Variants in CCDC148 observed in about 807,000 individuals in gnomAD.
CCDC148 encodes the protein coiled-coil domain containing 148.
A neutral mutation model predicts 85.7 loss-of-function variants in CCDC148; 89 were observed. That is an observed-to-expected ratio of 1.04 (90% CI 0.87 to 1.24). CCDC148 has a LOEUF of 1.24. CCDC148 is among the 50% of genes most tolerant of loss of function. CCDC148 has a pLI of 0.00. For missense variants in CCDC148, 692 were observed against 671.7 expected (o/e 1.03, Z -0.33); for synonymous variants, 230 against 213.9 (o/e 1.08, Z -0.66).
intron 10 of CCDC148, among the ~76,000 whole-genome samples, chr2:158,245,974 G>A (rs1421087273): frequency 6.6e-6 from 1 of 152,270 alleles, no homozygotes; most frequent in African/African-American, 2.4e-5. Context: ...AAGCATAGAA[G>A]AAAAAGTGAT....
At chr2:158,182,068 C>G (rs1433427642) in intron 11 of CCDC148, among the ~76,000 whole-genome samples, 1 of 151,932 alleles carries the variant, frequency 6.6e-6, no homozygotes, top group Non-Finnish European at 1.5e-5. Context: ...TTTTCTCTTA[C>G]ACAGTGAACA....
At chr2:158,371,006 T>A (rs1684414583) in intron 1 of CCDC148, among the ~76,000 whole-genome samples, 1 of 151,958 alleles carries the variant, frequency 6.6e-6, no homozygotes, top group Non-Finnish European at 1.5e-5. Context: ...TACTTTATGA[T>A]TGAGCATAAT....
At chr2:158,402,981 T>C (rs950425955) in intron 1 of CCDC148, among the ~76,000 whole-genome samples, 1 of 152,050 alleles carries the variant, frequency 6.6e-6, no homozygotes, top group Non-Finnish European at 1.5e-5. Flanking sequence ...TTTTAAATGA[T>C]CTGTTTTGAA....
At chr2:158,360,305 T>C (rs1683876640) in intron 1 of CCDC148, among the ~76,000 whole-genome samples, 1 of 152,124 alleles carries the variant, frequency 6.6e-6, no homozygotes, top group Non-Finnish European at 1.5e-5. Context: ...TCTCCAAGCA[T>C]AATGTTCGAG....
At chr2:158,228,344 T>G (rs1372151239) in intron 10 of CCDC148, among the ~76,000 whole-genome samples, 1 of 152,176 alleles carries the variant, frequency 6.6e-6, no homozygotes, top group Non-Finnish European at 1.5e-5. Flanking sequence ...ATAGGAACAC[T>G]TTTACACTGT....
intron 9 of CCDC148, among the ~76,000 whole-genome samples, chr2:158,283,644 G>A (rs1690456778): frequency 1.3e-5 from 2 of 152,204 alleles, no homozygotes; most frequent in African/African-American, 4.8e-5. Context: ...TGGAGAGGAT[G>A]TGGAGAAATA....
chr2:158,214,763 C>A (rs1686758224), intron 11 of CCDC148, among the ~76,000 whole-genome samples: 1 of 151,922 alleles, frequency 6.6e-6, no homozygotes, highest in South Asian at 2.1e-4. Flanking sequence ...TCACCAATTT[C>A]TACCTATTTC....
intron 1 of CCDC148, among the ~76,000 whole-genome samples, chr2:158,369,401 C>T (rs1684342672): frequency 6.6e-6 from 1 of 151,972 alleles, no homozygotes; most frequent in Non-Finnish European, 1.5e-5. Flanking sequence ...CCATGGTTAG[C>T]TGTATTCCTG....
chr2:158,447,770 C>T (rs1488967598), intron 1 of CCDC148, among the ~76,000 whole-genome samples: 1 of 151,940 alleles, frequency 6.6e-6, no homozygotes, highest in African/African-American at 2.4e-5. Context: ...ATTTAGCATG[C>T]TTTATATATT....
At chr2:158,319,908 A>G (rs1692446902) in intron 7 of CCDC148, among the ~76,000 whole-genome samples, 1 of 152,142 alleles carries the variant, frequency 6.6e-6, no homozygotes, top group South Asian at 2.1e-4. Flanking sequence ...CTCAAACTCA[A>G]ATGAATAGAA....
chr2:158,407,056 T>C (rs973899465), intron 1 of CCDC148, among the ~76,000 whole-genome samples: 2 of 152,082 alleles, frequency 1.3e-5, no homozygotes, highest in African/African-American at 4.8e-5. Flanking sequence ...TCTTCCCCAC[T>C]CAGTATTTCT....
At chr2:158,429,435 C>T (rs1687237106) in intron 1 of CCDC148, among the ~76,000 whole-genome samples, 1 of 151,450 alleles carries the variant, frequency 6.6e-6, no homozygotes, top group Non-Finnish European at 1.5e-5. Flanking sequence ...TGAGAAATTC[C>T]AAGATATAAT....
At chr2:158,317,890 C>T (rs1692352151) in intron 7 of CCDC148, among the ~76,000 whole-genome samples, 2 of 152,104 alleles carry the variant, frequency 1.3e-5, no homozygotes, top group South Asian at 4.1e-4. Context: ...GTGAACCTGA[C>T]CTGAAGAAAA....
At chr2:158,439,489 G>C (rs1049714782) in intron 1 of CCDC148, among the ~76,000 whole-genome samples, 5 of 152,088 alleles carry the variant, frequency 3.3e-5, no homozygotes, top group African/African-American at 1.2e-4. Flanking sequence ...GGTGGCGGCA[G>C]GGGGGAGAGA....
chr2:158,277,692 G>T (rs1402890195), intron 9 of CCDC148, among the ~76,000 whole-genome samples: 1 of 151,966 alleles, frequency 6.6e-6, no homozygotes, highest in African/African-American at 2.4e-5. Context: ...CACCTCCCAG[G>T]TTCACGCCAT....
chr2:158,321,863 T>C (rs1312129351), intron 7 of CCDC148, among the ~76,000 whole-genome samples: 2 of 152,146 alleles, frequency 1.3e-5, no homozygotes, highest in African/African-American at 4.8e-5. Context: ...TTATGAAAAC[T>C]ATGCATAGAT....
chr2:158,255,473 C>T (rs16842828), intron 9 of CCDC148, among the ~76,000 whole-genome samples: 12,449 of 151,732 alleles, frequency 0.082, 704 homozygotes, highest in Admixed American at 0.16. Context: ...TAACCCTTAT[C>T]CAATGGATCC....
At chr2:158,359,628 C>A (rs188217502) in intron 1 of CCDC148, among the ~76,000 whole-genome samples, 231 of 152,216 alleles carry the variant, frequency 1.5e-3, no homozygotes, top group African/African-American at 5.2e-3. Context: ...GGGACTGTGC[C>A]GTGAGGAATG....
At chr2:158,352,192 G>T (rs970878023) in intron 2 of CCDC148, among the ~76,000 whole-genome samples, 25 of 149,556 alleles carry the variant, frequency 1.7e-4, no homozygotes, top group African/African-American at 4.3e-4. Context: ...AAGGAACGCA[G>T]TTCCTCACCA....
Sources: gnomAD v4.1 joint callset for allele counts (sites outside exome capture counted in the v4.1 genomes callset) on GRCh38, gnomAD v4.1.1 for gene constraint, MANE v1.5 for transcripts, NCBI Gene and HGNC (gene_info 2026-07-23, HGNC 2026-07-21) for gene names.